TMEM132C: variants seen among roughly 807,000 people sequenced by gnomAD.
The protein encoded by TMEM132C is protein phosphatase 1, regulatory subunit 152.
Under a neutral mutation model 61.4 loss-of-function variants are expected in TMEM132C, and 29 were observed. The observed-to-expected ratio is 0.47, with a 90% CI of 0.35 to 0.64. The LOEUF is 0.64. Among genes scored for constraint, TMEM132C ranks in the 30% least tolerant of loss-of-function variants. The pLI is 0.00. For missense variants in TMEM132C, 1,408 were observed against 1,476.9 expected (o/e 0.95, Z 0.76); for synonymous variants, 656 against 633.1 (o/e 1.04, Z -0.54).
At chr12:128,571,340 GAC>G (rs1401915855) in intron 3 of TMEM132C, among the ~76,000 whole-genome samples, 1 of 152,160 alleles carries the variant, frequency 6.6e-6, no homozygotes, top group Admixed American at 6.5e-5. Context: ...TATTGTAACT[GAC>G]ACAGTCTTCT....
intron 1 of TMEM132C, among the ~76,000 whole-genome samples, chr12:128,386,113 A>G (rs1874573296): frequency 2.0e-5 from 3 of 152,268 alleles, no homozygotes; most frequent in South Asian, 2.1e-4. Context: ...TCGGAATTTT[A>G]TGGGCAGAAA....
At chr12:128,483,226 C>T (rs964679759) in intron 2 of TMEM132C, among the ~76,000 whole-genome samples, 1 of 99,178 alleles carries the variant, frequency 1.0e-5, no homozygotes, top group Non-Finnish European at 2.1e-5. Flanking sequence ...TGTGATTATG[C>T]CACTGCACTC....
intron 2 of TMEM132C, among the ~76,000 whole-genome samples, chr12:128,489,768 A>G (rs1871648465): frequency 6.6e-6 from 1 of 152,014 alleles, no homozygotes; most frequent in Non-Finnish European, 1.5e-5. Flanking sequence ...ACTCAGACTC[A>G]TGTCTATATA....
chr12:128,649,123 C>T (rs527378824), intron 4 of TMEM132C, among the ~76,000 whole-genome samples: 3 of 152,224 alleles, frequency 2.0e-5, no homozygotes, highest in South Asian at 2.1e-4. Flanking sequence ...GCCTGGCTCT[C>T]GTGGTGATTT....
chr12:128,665,947 AGG>A (rs1954463476), intron 4 of TMEM132C, among the ~76,000 whole-genome samples: 1 of 148,328 alleles, frequency 6.7e-6, no homozygotes, highest in Non-Finnish European at 1.5e-5. Context: ...ACACAAACAC[AGG>A]CACACACACA....
At chr12:128,665,087 TCACA>T (rs1188103988) in intron 4 of TMEM132C, among the ~76,000 whole-genome samples, 2 of 144,442 alleles carry the variant, frequency 1.4e-5, no homozygotes, top group Admixed American at 6.9e-5. Context: ...ACACAGGCAC[TCACA>T]CATACACAGG....
At chr12:128,276,609 T>C (rs559339136) in intron 1 of TMEM132C, among the ~76,000 whole-genome samples, 1 of 152,228 alleles carries the variant, frequency 6.6e-6, no homozygotes, top group Non-Finnish European at 1.5e-5. Flanking sequence ...ATTTCTCTCT[T>C]AGGTTAATTT....
At chr12:128,458,945 T>C (rs1268255334) in intron 2 of TMEM132C, among the ~76,000 whole-genome samples, 1 of 152,240 alleles carries the variant, frequency 6.6e-6, no homozygotes, top group Non-Finnish European at 1.5e-5. Flanking sequence ...TTAAGTCCAG[T>C]GGCCAGGTGG....
chr12:128,456,102 G>A lies in TMEM132C; in HGVS notation c.974+40482G>A, dbSNP rs368849677. 2.2e-4 allele frequency among the ~76,000 whole-genome samples: 33 copies of A among 152,172 alleles called. 1 individual carries two copies. Among genetic ancestry groups the A allele is most frequent in the African/African-American group, 7.0e-4 (29 of 41,540 alleles). ...GCCTGAGTGAAGGAGAGAGGAGGAC[G>A]TTGATTGTTGACATCTGCCCTGCAC... On this transcript the variant is annotated intron_variant, in intron 2 of 8. Coordinates refer to ENST00000435159, the MANE Select transcript of TMEM132C (RefSeq NM_001136103.3).
intron 1 of TMEM132C, among the ~76,000 whole-genome samples, chr12:128,382,226 C>T (rs1874423740): frequency 1.3e-5 from 2 of 152,092 alleles, no homozygotes; most frequent in Admixed American, 6.6e-5. Flanking sequence ...CAGCTTTGTG[C>T]TCACAGAAAA....
intron 2 of TMEM132C, among the ~76,000 whole-genome samples, chr12:128,469,330 CTTT>C (rs11463008): frequency 7.4e-6 from 1 of 135,464 alleles, no homozygotes; most frequent in Non-Finnish European, 1.6e-5. Context: ...ATAAAGCATG[CTTT>C]TTTTTTTTTT....
chr12:128,428,727 C>A (rs1869280746), intron 2 of TMEM132C, among the ~76,000 whole-genome samples: 1 of 152,178 alleles, frequency 6.6e-6, no homozygotes, highest in African/African-American at 2.4e-5. Context: ...TAGAGGATGG[C>A]TGTAAATTCA....
intron 4 of TMEM132C, 44 bp downstream of exon 4, chr12:128,616,379 G>A: frequency 4.0e-6 from 6 of 1,509,108 alleles, no homozygotes; most frequent in Non-Finnish European, 5.4e-6. Context: ...TCAGCCACCT[G>A]ACTGCATCCT....
chr12:128,473,318 CTATCTTCATCTTCAGT>C (rs1871022669), intron 2 of TMEM132C, among the ~76,000 whole-genome samples: 2 of 105,084 alleles, frequency 1.9e-5, no homozygotes, highest in East Asian at 3.5e-4. Flanking sequence ...ACTCCAGCCT[CTATCTTCATCTTCAGT>C]CCAGCCTCCT....
At chr12:128,684,394 C>T (rs773597180) in intron 5 of TMEM132C, among the ~76,000 whole-genome samples, 23 of 152,040 alleles carry the variant, frequency 1.5e-4, no homozygotes, top group African/African-American at 5.3e-4. Flanking sequence ...TTGGATCCTA[C>T]AAGGAAGCAT....
intron 2 of TMEM132C, chr12:128,438,775 C>T (rs1397341636): frequency 6.6e-6 from 1 of 152,200 alleles, no homozygotes; most frequent in Non-Finnish European, 1.5e-5. Flanking sequence ...CCTGTCTCCC[C>T]AAAGCCTCTG....
chr12:128,600,143 C>T (rs536753158), intron 3 of TMEM132C, among the ~76,000 whole-genome samples: 59 of 152,172 alleles, frequency 3.9e-4, no homozygotes, highest in African/African-American at 1.3e-3. Context: ...CCACTGCGCC[C>T]GGCTAATTTT....
At chr12:128,493,037 G>C (rs1038892673) in intron 2 of TMEM132C, among the ~76,000 whole-genome samples, 1 of 152,140 alleles carries the variant, frequency 6.6e-6, no homozygotes, top group African/African-American at 2.4e-5. Context: ...TAAGGTGTAA[G>C]GAAGGGATCC....
At chr12:128,462,489 T>C (rs1870571945) in intron 2 of TMEM132C, among the ~76,000 whole-genome samples, 1 of 152,198 alleles carries the variant, frequency 6.6e-6, no homozygotes, top group Admixed American at 6.5e-5. Context: ...GTGTATTTAT[T>C]TCTGGTTTTC....
Sources: allele counts gnomAD v4.1 joint callset (sites outside exome capture counted in the v4.1 genomes callset), GRCh38; gene constraint gnomAD v4.1.1; transcripts MANE v1.5; gene names NCBI Gene and HGNC (gene_info 2026-07-23, HGNC 2026-07-21).